Variants in C8orf34 observed in about 807,000 individuals in gnomAD.
C8orf34 encodes the protein uncharacterized protein C8orf34.
C8orf34 carries 65 observed loss-of-function variants against 68.3 expected under a neutral mutation model. The ratio of observed to expected loss-of-function variants is 0.95; its 90% CI spans 0.78 to 1.17. C8orf34 has a LOEUF of 1.17. Among genes scored for constraint, C8orf34 ranks in the 50% most tolerant of loss-of-function variants. The pLI is 0.00. For missense variants in C8orf34, 664 were observed against 655.4 expected, an observed-to-expected ratio of 1.01 and a Z score of -0.14; for synonymous variants, 244 against 241.2, an observed-to-expected ratio of 1.01 and a Z score of -0.11.
chr8:68,638,143 C>A (rs969125409), intron 7 of C8orf34, among the ~76,000 whole-genome samples: 1 of 152,108 alleles, frequency 6.6e-6, no homozygotes, highest in Middle Eastern at 3.2e-3. Flanking sequence ...AGGTCATTAT[C>A]TCCCTCTGAA....
chr8:68,810,087 A>G (rs1277452538), intron 12 of C8orf34, among the ~76,000 whole-genome samples: 1 of 152,184 alleles, frequency 6.6e-6, no homozygotes. Flanking sequence ...GGCCAGTGGC[A>G]TCTTTGCCTA....
At chr8:68,406,009 G>C (rs530512553) in intron 1 of C8orf34, among the ~76,000 whole-genome samples, 11 of 152,146 alleles carry the variant, frequency 7.2e-5, no homozygotes, top group Non-Finnish European at 1.6e-4. Flanking sequence ...CCAAATAAAA[G>C]GCACAGATTA....
At chr8:68,494,700 C>CA (rs1435405028) in intron 5 of C8orf34, among the ~76,000 whole-genome samples, 2 of 151,630 alleles carry the variant, frequency 1.3e-5, no homozygotes, top group African/African-American at 4.8e-5. Flanking sequence ...ACTAAAAATA[C>CA]AAAAAATGAG....
At chr8:68,754,394 T>C (rs1216139235) in intron 10 of C8orf34, among the ~76,000 whole-genome samples, 2 of 152,252 alleles carry the variant, frequency 1.3e-5, no homozygotes, top group African/African-American at 4.8e-5. Context: ...AAGTATGTTC[T>C]TTCATGATTA....
At chr8:68,779,092 G>A (rs1823600507) in intron 11 of C8orf34, among the ~76,000 whole-genome samples, 1 of 151,832 alleles carries the variant, frequency 6.6e-6, no homozygotes, top group Non-Finnish European at 1.5e-5. Context: ...CAGGAGGATT[G>A]CTTGAGCCCA....
chr8:68,674,766 G>T lies in C8orf34; in HGVS notation c.1242-34228G>T, dbSNP rs547014521. Among the ~76,000 whole-genome samples, 3 of 152,148 alleles carry T rather than the reference G, an allele frequency of 2.0e-5. No individual in the cohort carries two copies. In the East Asian group the frequency reaches 5.8e-4, roughly 29 times the overall value. ...AGAGAACTTTTCAAACCTAGATAAA[G>T]ATATCAATGTCCACGTACAAGAAGG... On this transcript the variant is annotated intron_variant, in intron 8 of 13. Coordinates refer to ENST00000518698, the MANE Select transcript of C8orf34 (RefSeq NM_052958.4).
chr8:68,493,645 A>G (rs1163449818), intron 5 of C8orf34, among the ~76,000 whole-genome samples: 1 of 152,236 alleles, frequency 6.6e-6, no homozygotes, highest in Admixed American at 6.5e-5. Flanking sequence ...CAAAATTCAT[A>G]TTGACATGTA....
chr8:68,755,326 T>G (rs1435644878), intron 10 of C8orf34, among the ~76,000 whole-genome samples: 1 of 152,176 alleles, frequency 6.6e-6, no homozygotes, highest in African/African-American at 2.4e-5. Flanking sequence ...CCCTGTGGAC[T>G]CCAACAGAAG....
chr8:68,625,126 A>G (rs1056860116), intron 7 of C8orf34, among the ~76,000 whole-genome samples: 11 of 152,276 alleles, frequency 7.2e-5, no homozygotes, highest in Admixed American at 5.2e-4. Flanking sequence ...AACTTTGAGC[A>G]GACATGAATG....
chr8:68,714,084 C>A (rs1161854798), intron 9 of C8orf34, among the ~76,000 whole-genome samples: 2 of 152,076 alleles, frequency 1.3e-5, no homozygotes, highest in African/African-American at 4.8e-5. Flanking sequence ...CTGACAAAAT[C>A]CAGCATCCCT....
chr8:68,514,088 T>C lies in C8orf34; in HGVS notation c.766-7711T>C, dbSNP rs959945078. Reference sequence around the variant, plus strand: ...GTTCTTTGTCCCACAGCCACGAAAATTCAGGCTCGCAGACAATTTGAATGG... The same window carrying C: ...GTTCTTTGTCCCACAGCCACGAAAACTCAGGCTCGCAGACAATTTGAATGG... On this transcript the variant is annotated intron_variant, in intron 5 of 13. Coordinates refer to ENST00000518698, the MANE Select transcript of C8orf34 (RefSeq NM_052958.4). 3.3e-5 allele frequency among the ~76,000 whole-genome samples: 5 copies of C among 152,082 alleles called. 1 individual carries two copies. In the Middle Eastern group the frequency reaches 9.5e-3, roughly 289 times the overall value.
chr8:68,464,717 T>G (rs968924290), intron 3 of C8orf34, among the ~76,000 whole-genome samples: 1 of 150,480 alleles, frequency 6.6e-6, no homozygotes, highest in East Asian at 1.9e-4. Context: ...CCCTATTTAA[T>G]AAATGGTGCT....
chr8:68,714,053 C>A (rs1821400734), intron 9 of C8orf34, among the ~76,000 whole-genome samples: 1 of 152,058 alleles, frequency 6.6e-6, no homozygotes, highest in Admixed American at 6.6e-5. Context: ...ATAATCATCT[C>A]AGTAAAGGCA....
intron 5 of C8orf34, among the ~76,000 whole-genome samples, chr8:68,520,931 A>G (rs1339757464): frequency 2.0e-5 from 3 of 152,252 alleles, no homozygotes; most frequent in African/African-American, 7.2e-5. Flanking sequence ...ATGCAAAAAG[A>G]AGAAACTAAA....
At chr8:68,606,277 T>A (rs1817850483) in intron 7 of C8orf34, among the ~76,000 whole-genome samples, 1 of 152,116 alleles carries the variant, frequency 6.6e-6, no homozygotes, top group African/African-American at 2.4e-5. Context: ...AAAATAGCCT[T>A]ACTAACTGGG....
chr8:68,552,090 G>A (rs1442301869), intron 7 of C8orf34, among the ~76,000 whole-genome samples: 1 of 152,086 alleles, frequency 6.6e-6, no homozygotes, highest in Non-Finnish European at 1.5e-5. Flanking sequence ...TGACGTACAT[G>A]TCTGTCTTTA....
At chr8:68,580,978 T>C (rs150024442) in intron 7 of C8orf34, among the ~76,000 whole-genome samples, 1 of 152,254 alleles carries the variant, frequency 6.6e-6, no homozygotes, top group East Asian at 1.9e-4. Context: ...TACAGGGTGA[T>C]TTAATACAGG....
chr8:68,460,227 G>C (rs1405876016), intron 3 of C8orf34, among the ~76,000 whole-genome samples: 2 of 152,158 alleles, frequency 1.3e-5, no homozygotes, highest in Non-Finnish European at 2.9e-5. Context: ...AGGCAGCAGC[G>C]AGGCTGGGGG....
At chr8:68,419,852 T>G (rs1809870350) in intron 1 of C8orf34, among the ~76,000 whole-genome samples, 5 of 129,994 alleles carry the variant, frequency 3.8e-5, no homozygotes, top group Admixed American at 1.5e-4. Context: ...GGGGGAGGGA[T>G]GGCATTGGGA....
Sources: allele counts gnomAD v4.1 joint callset (sites outside exome capture counted in the v4.1 genomes callset), GRCh38; gene constraint gnomAD v4.1.1; transcripts MANE v1.5; gene names NCBI Gene and HGNC (gene_info 2026-07-23, HGNC 2026-07-21).